Variants in TRPM6 observed in about 807,000 individuals in gnomAD.
TRPM6 encodes transient receptor potential cation channel subfamily M member 6, also known as channel kinase 2.
A neutral mutation model predicts 247.6 loss-of-function variants in TRPM6; 111 were observed. The ratio of observed to expected loss-of-function variants is 0.45; its 90% confidence interval spans 0.38 to 0.52. The LOEUF (loss-of-function observed/expected upper bound fraction) is 0.52. TRPM6 is among the 20% of genes least tolerant of loss of function. The pLI is 0.00. For synonymous variants in TRPM6, 892 were observed against 853.8 expected (o/e 1.04, Z -0.78); for missense variants, 2,126 against 2,421.5 (o/e 0.88, Z 2.56).
At chr9:74,859,568 T>A (rs1830632972) in intron 1 of TRPM6, among the ~76,000 whole-genome samples, 1 of 151,756 alleles carries the variant, frequency 6.6e-6, no homozygotes, top group African/African-American at 2.4e-5. Context: ...AAGTCAGGAG[T>A]TCGAGACCAG....
chr9:74,753,770 C>A (rs1826345600), intron 28 of TRPM6, among the ~76,000 whole-genome samples: 1 of 151,900 alleles, frequency 6.6e-6, no homozygotes, highest in South Asian at 2.1e-4. Context: ...TTTTTTAATT[C>A]TTTTTCAATT....
chr9:74,736,920 G>C (rs1440118526), intron 36 of TRPM6, among the ~76,000 whole-genome samples: 1 of 152,142 alleles, frequency 6.6e-6, no homozygotes, highest in Non-Finnish European at 1.5e-5. Flanking sequence ...ACACACTGAA[G>C]AGTCATCATT....
chr9:74,876,337 G>A (rs966973653), intron 1 of TRPM6, among the ~76,000 whole-genome samples: 9 of 152,186 alleles, frequency 5.9e-5, no homozygotes, highest in African/African-American at 2.2e-4. Context: ...ACCCACCTCA[G>A]CCTCCCAAGT....
At chr9:74,857,469 T>A (rs925210375) in intron 2 of TRPM6, among the ~76,000 whole-genome samples, 1 of 152,230 alleles carries the variant, frequency 6.6e-6, no homozygotes, top group Non-Finnish European at 1.5e-5. Context: ...TAATTAATTT[T>A]TCCAAGGGCA....
chr9:74,879,517 C>A (rs898303647), intron 1 of TRPM6, among the ~76,000 whole-genome samples: 3 of 152,100 alleles, frequency 2.0e-5, no homozygotes, highest in Non-Finnish European at 4.4e-5. Flanking sequence ...TTGTCTCCTG[C>A]CTTTCTTATA....
At chr9:74,823,496 T>C (rs1344197216) in intron 7 of TRPM6, among the ~76,000 whole-genome samples, 1 of 152,202 alleles carries the variant, frequency 6.6e-6, no homozygotes, top group Non-Finnish European at 1.5e-5. Flanking sequence ...ATGGGTCAGT[T>C]AGCAACCATC....
chr9:74,821,566 A>G, intron 8 of TRPM6, 103 bp downstream of exon 8: 1 of 1,367,732 alleles, frequency 7.3e-7, no homozygotes, highest in Non-Finnish European at 1.0e-6. Context: ...CTCAACTTCT[A>G]TAATCCAAGA....
intron 1 of TRPM6, among the ~76,000 whole-genome samples, chr9:74,881,726 C>T (rs1831371681): frequency 6.6e-6 from 1 of 152,082 alleles, no homozygotes; most frequent in Non-Finnish European, 1.5e-5. Context: ...AAAATCATAT[C>T]ATGTATCTTC....
intron 30 of TRPM6, 117 bp downstream of exon 30, chr9:74,750,547 T>C (rs1826209460): frequency 3.2e-6 from 3 of 929,318 alleles, no homozygotes; most frequent in Non-Finnish European, 5.3e-6. Context: ...AAAAGTATTG[T>C]CATTTGACAC....
intron 20 of TRPM6, among the ~76,000 whole-genome samples, chr9:74,787,521 A>G (rs904151023): frequency 6.6e-6 from 1 of 152,178 alleles, no homozygotes; most frequent in African/African-American, 2.4e-5. Flanking sequence ...TATAATCTAT[A>G]AACTCCACAT....
intron 6 of TRPM6, among the ~76,000 whole-genome samples, chr9:74,830,258 T>G (rs938734180): frequency 1.3e-5 from 2 of 151,966 alleles, no homozygotes; most frequent in African/African-American, 4.8e-5. Flanking sequence ...ATAAGAAAAA[T>G]TAGGTATTAT....
At position 74,840,029 on chromosome 9, in the gene TRPM6, T is replaced by C. The variant is rs1431491277; in HGVS notation, c.539A>G (p.Asn180Ser). The change falls in exon 5 of 39, where the codon AAT becomes AGT. Residue 180 changes from asparagine to serine, a missense_variant. Physicochemically the swap from Asn to Ser is conservative, Grantham distance 46. Around this residue, in one of 3 missense-constraint regions of TRPM6, gnomAD observed 1,082 missense variants for 1,307.9 expected, o/e 0.83. Transcript: ENST00000360774. ...ATGGAGGGAGGGAGCTTTACCTGTA[T>C]TGATGCCTTCAGTTATTATCCACGC... The part of the protein sequence containing the change: ...TGAWIITEGI[N>S]TGVSKHVGDA... The C allele has an allele frequency of 1.9e-6, 3 of 1,612,972 alleles. No homozygotes were observed. Among genetic ancestry groups the C allele is most frequent in the East Asian group, 2.2e-5 (1 of 44,872 alleles).
chr9:74,771,678 A>T, intron 25 of TRPM6, 25 bp downstream of exon 25: 9 of 1,611,742 alleles, frequency 5.6e-6, no homozygotes, highest in Non-Finnish European at 7.6e-6. Flanking sequence ...GTGGTTTCAG[A>T]ATGGAAAAGA....
chr9:74,741,158 T>C (rs1044270610), intron 33 of TRPM6, among the ~76,000 whole-genome samples: 2 of 152,202 alleles, frequency 1.3e-5, no homozygotes, highest in Non-Finnish European at 2.9e-5. Context: ...ACTTAACTGC[T>C]ACATAGCTTC....
chr9:74,803,423 A>T (rs371229656), intron 15 of TRPM6, among the ~76,000 whole-genome samples: 16 of 152,314 alleles, frequency 1.1e-4, no homozygotes, highest in South Asian at 8.3e-4. Flanking sequence ...TGCGGCAGAG[A>T]AGTGAAGAAA....
intron 1 of TRPM6, among the ~76,000 whole-genome samples, chr9:74,877,052 G>T (rs1831214134): frequency 1.3e-5 from 2 of 152,280 alleles, no homozygotes; most frequent in African/African-American, 4.8e-5. Context: ...CGCTAGGATG[G>T]CTATAATCAA....
chr9:74,887,529 C>T (rs1327862061), intron 1 of TRPM6: 2 of 1,279,612 alleles, frequency 1.6e-6, no homozygotes, highest in African/African-American at 1.5e-5. Flanking sequence ...GCTGAACCCC[C>T]GACCCCCGCT....
Position 74,744,120 on chromosome 9 carries a change from A to T in TRPM6, c.5109T>A (p.Pro1703=). ...VDKISASLKS[P]QEPHHHYSAI... ...CTGAATAATGATGGTGAGGCTCTTG[A>T]GGGCTTTTTAAGGAGGCTGAGATCT... Residue 1703 remains proline, a synonymous_variant, in exon 32 of 39, where the codon CCT becomes CCA. Transcript: ENST00000360774. 1 of 1,614,058 alleles carries T rather than the reference A, an allele frequency of 6.2e-7. No individual in the cohort carries two copies.
intron 9 of TRPM6, among the ~76,000 whole-genome samples, chr9:74,819,545 T>A (rs1428620034): frequency 6.6e-6 from 1 of 152,194 alleles, no homozygotes; most frequent in Non-Finnish European, 1.5e-5. Context: ...AATCTTTTTA[T>A]CACAGTACCC....
Sources: allele counts gnomAD v4.1 joint callset (sites outside exome capture counted in the v4.1 genomes callset), GRCh38; gene constraint gnomAD v4.1.1; regional missense constraint gnomAD v4.1.1; transcripts MANE v1.5; gene names NCBI Gene and HGNC (gene_info 2026-07-23, HGNC 2026-07-21).